EXOSC7: variants seen among roughly 807,000 people sequenced by gnomAD.
EXOSC7 encodes exosome complex component RRP42.
In EXOSC7, 25 loss-of-function variants were observed where a neutral mutation model predicts 34.3. The ratio of observed to expected loss-of-function variants is 0.73; its 90% CI spans 0.53 to 1.02. The LOEUF is 1.02. Among genes scored for constraint, EXOSC7 ranks in the 50% least tolerant of loss-of-function variants. EXOSC7 has a pLI of 0.00. For synonymous variants in EXOSC7, 130 were observed against 143.0 expected (o/e 0.91, Z 0.65); for missense variants, 370 against 368.5 (o/e 1.00, Z -0.03).
intron 1 of EXOSC7, among the ~76,000 whole-genome samples, chr3:44,985,450 C>T (rs540242266): frequency 7.9e-5 from 12 of 151,602 alleles, no homozygotes; most frequent in African/African-American, 1.7e-4. Flanking sequence ...CAGATGTGCT[C>T]GGAGTTTCTT....
rs570030540 is a variant in EXOSC7, at chr3:44,996,301, A to C, written c.255-786A>C. Among the ~76,000 whole-genome samples the C allele has an allele frequency of 6.5e-4, 27 of 41,796 alleles. No homozygotes were observed. In the East Asian group the frequency reaches 0.14, roughly 224 times the overall value. The allele number at this position is 41,796 out of a possible 152,430, so 27.4% of individuals were successfully genotyped here. Reference sequence around the variant, plus strand: ...TTAAGGGTTTGTTTGTATTAAGCCAAAAACTCTCAGAAATGTCCTGTTAAA... The same window carrying C: ...TTAAGGGTTTGTTTGTATTAAGCCACAAACTCTCAGAAATGTCCTGTTAAA... On this transcript the variant is annotated intron_variant, in intron 3 of 7. Transcript: ENST00000265564.
intron 7 of EXOSC7, among the ~76,000 whole-genome samples, chr3:45,010,687 A>G (rs568175675): frequency 1.3e-5 from 2 of 152,094 alleles, no homozygotes; most frequent in Non-Finnish European, 2.9e-5. Flanking sequence ...TGCCTTTAGC[A>G]TCTCAGCATG....
chr3:45,005,667 TTTG>T (rs1235593361), intron 6 of EXOSC7, among the ~76,000 whole-genome samples: 2 of 152,022 alleles, frequency 1.3e-5, no homozygotes, highest in Admixed American at 1.3e-4. Context: ...GTAGCCAGAG[TTTG>T]TTAAGCTCCT....
intron 5 of EXOSC7, among the ~76,000 whole-genome samples, chr3:45,003,324 A>G (rs1473870750): frequency 2.3e-5 from 3 of 128,242 alleles, no homozygotes; most frequent in Middle Eastern, 3.7e-3. Flanking sequence ...ATTGGGAGAT[A>G]CTGTGCGTGC....
intron 1 of EXOSC7, among the ~76,000 whole-genome samples, chr3:44,988,737 T>C (rs62242657): frequency 0.11 from 17,368 of 152,226 alleles, 1,127 homozygotes; most frequent in Middle Eastern, 0.18. Context: ...ATGATTGTAC[T>C]CTGTAGCTCT....
chr3:44,987,253 G>A (rs1706447265), intron 1 of EXOSC7, among the ~76,000 whole-genome samples: 1 of 152,116 alleles, frequency 6.6e-6, no homozygotes, highest in African/African-American at 2.4e-5. Context: ...GGAAGAAAGG[G>A]GCATGAAAAT....
intron 3 of EXOSC7, among the ~76,000 whole-genome samples, chr3:44,996,385 G>C (rs1706722564): frequency 6.6e-6 from 1 of 151,992 alleles, no homozygotes; most frequent in Non-Finnish European, 1.5e-5. Context: ...TGAGGTTATT[G>C]GGCATAAATA....
chr3:44,993,613 T>G (rs974891392), intron 3 of EXOSC7, among the ~76,000 whole-genome samples: 2 of 151,868 alleles, frequency 1.3e-5, no homozygotes, highest in Non-Finnish European at 2.9e-5. Flanking sequence ...ATTCCCAGGA[T>G]CTTAATTAGT....
intron 5 of EXOSC7, chr3:45,004,218 G>A (rs776148699): frequency 4.6e-5 from 7 of 152,024 alleles, no homozygotes; most frequent in African/African-American, 1.5e-4. Flanking sequence ...CACCAGCAGT[G>A]TATGTAAGAG....
At position 44,997,270 on chromosome 3, in the gene EXOSC7, G is replaced by A. The variant is rs199885688; in HGVS notation, c.420+18G>A. On this transcript the variant is annotated intron_variant, in intron 4 of 7. Coordinates refer to ENST00000265564, the MANE Select transcript of EXOSC7 (RefSeq NM_015004.4). ...ATGTGCTGGTGAGTATCATCGTGCT[G>A]TACTGGCCACATTCTACCTTTGTTG... The A allele has an allele frequency of 6.3e-7, 1 of 1,599,916 alleles. No homozygotes were observed. The highest frequency in any genetic ancestry group is 8.5e-7 in the Non-Finnish European group (1 of 1,170,684).
chr3:45,003,335 G>A lies in EXOSC7; in HGVS notation c.491+1727G>A, dbSNP rs547999125. Reference sequence around the variant, plus strand: ...GGAAATTGGGAGATACTGTGCGTGCGTGCGTGCGTGCGTGCGTGTGTGTGT... The same window carrying A: ...GGAAATTGGGAGATACTGTGCGTGCATGCGTGCGTGCGTGCGTGTGTGTGT... On this transcript the variant is annotated intron_variant, in intron 5 of 7. Coordinates refer to ENST00000265564, the MANE Select transcript of EXOSC7 (RefSeq NM_015004.4). Among the ~76,000 whole-genome samples, 17 of 43,662 alleles carry A rather than the reference G, an allele frequency of 3.9e-4. No homozygotes were observed. In the East Asian group the frequency reaches 0.048, roughly 123 times the overall value. The allele number at this position is 43,662 out of a possible 152,430, so 28.6% of individuals were successfully genotyped here.
chr3:44,978,878 C>T (rs1706196264), intron 1 of EXOSC7, among the ~76,000 whole-genome samples: 1 of 152,158 alleles, frequency 6.6e-6, no homozygotes, highest in Non-Finnish European at 1.5e-5. Context: ...GTATGGGGGA[C>T]CCTTAAGGCA....
At chr3:45,005,020 T>A (rs1706992854) in intron 5 of EXOSC7, 1 of 393,838 alleles carries the variant, frequency 2.5e-6, no homozygotes, top group Non-Finnish European at 4.6e-6. Flanking sequence ...TGGCTTCGTG[T>A]GTGTGGTGTG....
intron 1 of EXOSC7, among the ~76,000 whole-genome samples, chr3:44,977,821 G>A (rs1253447673): frequency 6.6e-6 from 1 of 152,190 alleles, no homozygotes; most frequent in Non-Finnish European, 1.5e-5. Context: ...TCTGTCATGT[G>A]TCCTATTTTC....
chr3:44,996,441 A>G (rs1706724322), intron 3 of EXOSC7, among the ~76,000 whole-genome samples: 1 of 152,226 alleles, frequency 6.6e-6, no homozygotes, highest in Non-Finnish European at 1.5e-5. Context: ...CTTGAAAAAT[A>G]TCAAATGAAG....
intron 3 of EXOSC7, among the ~76,000 whole-genome samples, chr3:44,993,123 C>T (rs1363432342): frequency 1.3e-5 from 2 of 152,148 alleles, no homozygotes; most frequent in Admixed American, 6.5e-5. Flanking sequence ...AGGCAACCTG[C>T]AGAAGCCTTT....
chr3:45,003,560 G>C (rs998764171), intron 5 of EXOSC7, among the ~76,000 whole-genome samples: 1 of 152,098 alleles, frequency 6.6e-6, no homozygotes, highest in South Asian at 2.1e-4. Flanking sequence ...AATCATGGGG[G>C]GTTTTGTTAG....
In EXOSC7 at chr3:44,976,253, G is replaced by GC; in HGVS notation, c.-24dup. On this transcript the variant is annotated 5_prime_UTR_variant, in exon 1 of 8. Transcript: ENST00000265564. ...AGGAGGGGACGCGCGCAGATGACGT[G>GC]CGGCTCGTGGGGCAGCTCGGCAGCA... 6.5e-7 allele frequency: 1 copy of GC among 1,536,470 alleles called. No homozygotes were observed. The highest frequency in any genetic ancestry group is 1.4e-5 in the African/African-American group (1 of 69,904).
At chr3:45,008,822 G>A (rs1489474142) in intron 7 of EXOSC7, among the ~76,000 whole-genome samples, 3 of 152,226 alleles carry the variant, frequency 2.0e-5, no homozygotes, top group African/African-American at 7.2e-5. Flanking sequence ...CCCCCTCCCA[G>A]GAGAGTTTAT....
Sources: allele counts gnomAD v4.1 joint callset (sites outside exome capture counted in the v4.1 genomes callset), GRCh38; gene constraint gnomAD v4.1.1; transcripts MANE v1.5; gene names NCBI Gene and HGNC (gene_info 2026-07-23, HGNC 2026-07-21).